The following TANC2 variants were observed in gnomAD, a reference collection of about 807,000 sequenced individuals.
TANC2 encodes tetratricopeptide repeat, ankyrin repeat and coiled-coil containing 2.
In TANC2, 26 loss-of-function variants were observed where a neutral mutation model predicts 210.5. The observed-to-expected ratio is 0.12, with a 90% CI of 0.09 to 0.17. The LOEUF (loss-of-function observed/expected upper bound fraction) is 0.17. Ranked by LOEUF, TANC2 falls within the 10% of genes least tolerant of loss-of-function variation. The pLI is 1.00. For missense variants in TANC2, 2,129 were observed against 2,608.9 expected (o/e 0.82, Z 4.01); for synonymous variants, 931 against 967.1 (o/e 0.96, Z 0.69).
intron 7 of TANC2, among the ~76,000 whole-genome samples, chr17:63,228,935 G>T (rs1307851119): frequency 6.6e-6 from 1 of 152,122 alleles, no homozygotes; most frequent in African/African-American, 2.4e-5. Flanking sequence ...TCTCTTGCCT[G>T]ATTGCCCTGG....
intron 5 of TANC2, among the ~76,000 whole-genome samples, chr17:63,177,420 G>A (rs1194423340): frequency 6.6e-6 from 1 of 151,776 alleles, no homozygotes; most frequent in Non-Finnish European, 1.5e-5. Context: ...AGATGGTAGT[G>A]AGTGAGTAGG....
At position 63,413,755 on chromosome 17, in the gene TANC2, C is replaced by T. The variant is rs992014527; in HGVS notation, c.4020+121C>T. ...GTAGAGGCAAAGGGAAACTACTGTT[C>T]CTCAGTGATGGCCTCATATGTTGGG... On this transcript the variant is annotated intron_variant, in intron 25 of 27. Coordinates refer to ENST00000689528, the Ensembl canonical transcript of TANC2. 1.9e-5 allele frequency: 17 copies of T among 892,384 alleles called. No homozygotes were observed. In the Middle Eastern group the frequency reaches 9.1e-4, roughly 48 times the overall value. 55.3% of individuals were successfully genotyped at this position (892,384 alleles called of 1,614,324 possible).
chr17:63,333,451 G>A (rs2045924665), intron 11 of TANC2, among the ~76,000 whole-genome samples: 1 of 152,168 alleles, frequency 6.6e-6, no homozygotes, highest in Non-Finnish European at 1.5e-5. Context: ...TGACTGAATT[G>A]CTATCATCTC....
intron 4 of TANC2, among the ~76,000 whole-genome samples, chr17:63,112,664 A>T (rs2038095958): frequency 6.6e-6 from 1 of 152,228 alleles, no homozygotes; most frequent in African/African-American, 2.4e-5. Context: ...GAAGATAATA[A>T]CACCTTAAGG....
chr17:63,249,587 A>G (rs752334846), intron 8 of TANC2, among the ~76,000 whole-genome samples: 21 of 152,226 alleles, frequency 1.4e-4, no homozygotes, highest in Non-Finnish European at 2.8e-4. Flanking sequence ...GGCCATCTAC[A>G]TGTTAATGCT....
Position 63,418,364 on chromosome 17 carries a change from T to C in TANC2, c.4225T>C (p.Tyr1409His), listed in dbSNP as rs534658690. ...GGCCCTGGAGCTGAAACCGAAATCT[T>C]ATGAAGCTTACTATGCGAGAGCAAG... The change falls in exon 27 of 28, where the codon TAT becomes CAT. Residue 1409 changes from tyrosine to histidine, a missense_variant. Coordinates refer to ENST00000689528, the Ensembl canonical transcript of TANC2. This position sits in a 1 kb window ranked among gnomAD's most constrained non-coding sequence, Gnocchi z 4.6. The C allele has an allele frequency of 1.9e-6, 3 of 1,613,326 alleles. No homozygotes were observed. The highest frequency in any genetic ancestry group is 2.5e-6 in the Non-Finnish European group (3 of 1,179,666).
intron 5 of TANC2, among the ~76,000 whole-genome samples, chr17:63,184,463 T>TG (rs1163551439): frequency 6.6e-6 from 1 of 152,134 alleles, no homozygotes; most frequent in African/African-American, 2.4e-5. Context: ...AGTTATGCCT[T>TG]GCTATGAAAA....
In TANC2 at chr17:63,002,889, C is replaced by CAGGT. The variant is rs1275465067; in HGVS notation, c.-23-6647_-23-6646insGGTA. On this transcript the variant is annotated intron_variant, in intron 1 of 27. Transcript: ENST00000689528. Reference sequence around the variant, plus strand: ...CATAGTTTATTCGTCTGTTGATGGACACCTAGTCTAGGTATAGGGTATTAT... The same window carrying CAGGT: ...CATAGTTTATTCGTCTGTTGATGGACAGGTACCTAGTCTAGGTATAGGGTATTAT... 3.3e-5 allele frequency among the ~76,000 whole-genome samples: 5 copies of CAGGT among 152,276 alleles called. No individual in the cohort carries two copies. The East Asian group carries it at 7.7e-4, about 24-fold the overall frequency.
chr17:63,366,151 C>T, intron 14 of TANC2, among the ~76,000 whole-genome samples: 1 of 152,062 alleles, frequency 6.6e-6, no homozygotes, highest in East Asian at 1.9e-4. Flanking sequence ...AAACTCTTCC[C>T]ACAACTCAAC....
chr17:63,397,285 A>C, intron 18 of TANC2, among the ~76,000 whole-genome samples: 1 of 146,412 alleles, frequency 6.8e-6, no homozygotes, highest in Non-Finnish European at 1.6e-5. Flanking sequence ...AAAAAAAAAC[A>C]AACAAACAAA....
chr17:63,079,243 G>A (rs569717698), intron 3 of TANC2, among the ~76,000 whole-genome samples: 1 of 152,198 alleles, frequency 6.6e-6, no homozygotes, highest in Non-Finnish European at 1.5e-5. Context: ...ACCAGAAAGA[G>A]AAGACTTATT....
At chr17:63,212,419 A>C (rs552716828) in intron 7 of TANC2, among the ~76,000 whole-genome samples, 1 of 152,272 alleles carries the variant, frequency 6.6e-6, no homozygotes, top group East Asian at 1.9e-4. Context: ...TAGCTATAGA[A>C]ATATGTTCAT....
chr17:62,987,103 C>T (rs142918344), intron 1 of TANC2, among the ~76,000 whole-genome samples: 7 of 152,292 alleles, frequency 4.6e-5, no homozygotes, highest in African/African-American at 1.4e-4. Flanking sequence ...GGAGTACATG[C>T]AACAGTTTGG....
At chr17:63,237,244 T>A (rs538659092) in intron 7 of TANC2, among the ~76,000 whole-genome samples, 1 of 152,142 alleles carries the variant, frequency 6.6e-6, no homozygotes, top group Non-Finnish European at 1.5e-5. Flanking sequence ...ATTTTTTTCA[T>A]GTACATGGCC....
chr17:63,001,634 A>G (rs995844589), intron 1 of TANC2, among the ~76,000 whole-genome samples: 1 of 141,454 alleles, frequency 7.1e-6, no homozygotes, highest in Non-Finnish European at 1.5e-5. Flanking sequence ...ACCCTTTGCC[A>G]TCCGGGTTCA....
At chr17:63,405,443 C>G (rs1177721609) in intron 20 of TANC2, among the ~76,000 whole-genome samples, 188 bp downstream of exon 20, 1 of 152,242 alleles carries the variant, frequency 6.6e-6, no homozygotes, top group African/African-American at 2.4e-5. Flanking sequence ...TCAAAACCAT[C>G]ACTTGATACA....
At chr17:63,426,759 A>C (rs1568016144) in exon 28 of TANC2, 1 of 152,136 alleles carries the variant, frequency 6.6e-6, no homozygotes, top group Non-Finnish European at 1.5e-5. Context: ...CGCCGCGCTC[A>C]TTTTTCCAGG....
chr17:63,381,887 C>T (rs1264830236), intron 15 of TANC2, among the ~76,000 whole-genome samples: 1 of 152,162 alleles, frequency 6.6e-6, no homozygotes, highest in Non-Finnish European at 1.5e-5. Flanking sequence ...CAAAAAGATC[C>T]CTTACCTGAG....
intron 6 of TANC2, among the ~76,000 whole-genome samples, chr17:63,196,164 G>T (rs2041339541): frequency 6.6e-6 from 1 of 152,088 alleles, no homozygotes; most frequent in Non-Finnish European, 1.5e-5. Flanking sequence ...TAGTTGTGGG[G>T]TTGTTTTACC....
Sources: gnomAD v4.1 joint callset for allele counts (sites outside exome capture counted in the v4.1 genomes callset) on GRCh38, gnomAD v4.1.1 for gene constraint, Gnocchi (gnomAD v3.1) non-coding constraint, MANE v1.5 for transcripts, NCBI Gene and HGNC (gene_info 2026-07-23, HGNC 2026-07-21) for gene names.